Variants in NEK11 observed in about 807,000 individuals in gnomAD.
NEK11 encodes the protein serine/threonine-protein kinase Nek11.
NEK11 carries 72 observed loss-of-function variants against 80.7 expected under a neutral mutation model. The observed-to-expected ratio is 0.89, with a 90% confidence interval of 0.74 to 1.08. The LOEUF is 1.08. Among genes scored for constraint, NEK11 ranks in the 50% least tolerant of loss-of-function variants. The probability of loss-of-function intolerance (pLI) is 0.00; values close to 1 mark genes in which losing one functional copy is unlikely to be tolerated. For synonymous variants in NEK11, 251 were observed against 260.7 expected (o/e 0.96, Z 0.36); for missense variants, 764 against 763.6 (o/e 1.00, Z -0.01).
chr3:131,165,496 C>T lies in NEK11; in HGVS notation c.1153C>T (p.Gln385Ter). Residue 385 changes from glutamine (Q) to a stop codon, truncating the protein, a stop_gained, in exon 12 of 18, where the codon CAG becomes TAG. Coordinates refer to ENST00000383366, the MANE Select transcript of NEK11 (RefSeq NM_024800.5). LOFTEE classifies it high-confidence loss of function. ...MQELRSRNFQ[Q>*]LSVDVLHEKT... Reference sequence around the variant, plus strand: ...AGAATTGAGATCTCGGAACTTTCAGCAGCTGAGTGTTGATGTACTCCATGT... The same window carrying T: ...AGAATTGAGATCTCGGAACTTTCAGTAGCTGAGTGTTGATGTACTCCATGT... 1 of 1,611,782 alleles carries T rather than the reference C, an allele frequency of 6.2e-7. No homozygotes were observed. The highest frequency in any genetic ancestry group is 8.5e-7 in the Non-Finnish European group (1 of 1,177,936).
intron 5 of NEK11, among the ~76,000 whole-genome samples, chr3:131,111,085 A>G (rs879792873): frequency 8.5e-5 from 13 of 152,158 alleles, no homozygotes; most frequent in East Asian, 7.7e-4. Context: ...TATATGCAAG[A>G]AAAACAACTA....
intron 4 of NEK11, among the ~76,000 whole-genome samples, chr3:131,090,821 G>T (rs2076624330): frequency 6.6e-6 from 1 of 152,136 alleles, no homozygotes; most frequent in Non-Finnish European, 1.5e-5. Flanking sequence ...CTGGAGTGCA[G>T]TGGTGCAATC....
chr3:131,184,277 C>A (rs1316294467), intron 14 of NEK11, among the ~76,000 whole-genome samples: 1 of 152,180 alleles, frequency 6.6e-6, no homozygotes, highest in East Asian at 1.9e-4. Flanking sequence ...CTGTGGATTA[C>A]AATCAGTAGC....
In NEK11 at chr3:131,170,842, C is replaced by T; in HGVS notation, c.1354C>T (p.Leu452Phe). ...TATTCCTTCCATGGACCTCCACGAA[C>T]TTGAATCAATTGTAGAGGATGCCAC... Reference protein sequence around the residue: ...QPIPSMDLHELESIVEDATSD... With the variant: ...QPIPSMDLHEFESIVEDATSD... The change falls in exon 14 of 18, where the codon CTT becomes TTT. Residue 452 changes from leucine (L) to phenylalanine (F), a missense_variant. Leu to Phe is a conservative substitution (Grantham distance 22). Coordinates refer to ENST00000383366, the MANE Select transcript of NEK11 (RefSeq NM_024800.5). 6.2e-7 allele frequency: 1 copy of T among 1,614,068 alleles called. No individual in the cohort carries two copies. Among genetic ancestry groups the T allele is most frequent in the Non-Finnish European group, 8.5e-7 (1 of 1,179,950 alleles).
chr3:131,195,632 G>T (rs1432426157), intron 14 of NEK11, among the ~76,000 whole-genome samples: 1 of 151,916 alleles, frequency 6.6e-6, no homozygotes, highest in Non-Finnish European at 1.5e-5. Flanking sequence ...TGCCTGCTGT[G>T]TGCTGCACAA....
chr3:131,084,865 C>T (rs2149076613), intron 4 of NEK11, among the ~76,000 whole-genome samples: 1 of 152,180 alleles, frequency 6.6e-6, no homozygotes, highest in Non-Finnish European at 1.5e-5. Context: ...TGAGAGTTCT[C>T]CAGGTGATTC....
chr3:131,053,266 A>G (rs1234236821), intron 3 of NEK11: 1 of 152,254 alleles, frequency 6.6e-6, no homozygotes, highest in African/African-American at 2.4e-5. Context: ...TTCCAATGGC[A>G]GCATTAATTC....
chr3:131,165,514 C>G lies in NEK11; in HGVS notation c.1171C>G (p.Leu391Val). 1 of 1,599,108 alleles carries G rather than the reference C, an allele frequency of 6.3e-7. No homozygotes were observed. The highest frequency in any genetic ancestry group is 8.6e-7 in the Non-Finnish European group (1 of 1,167,396). ...CTTTCAGCAGCTGAGTGTTGATGTA[C>G]TCCATGTAAGTACCCTCTTATTTTA... Reference protein sequence around the residue: ...RNFQQLSVDVLHEKTHLKGME... With the variant: ...RNFQQLSVDVVHEKTHLKGME... The change falls in exon 12 of 18, where the codon CTC becomes GTC. Residue 391 changes from leucine to valine, a missense_variant. By Grantham distance (32) the Leu-to-Val change is conservative. Transcript: ENST00000383366.
At chr3:131,241,791 T>G (rs1213104974) in intron 15 of NEK11, among the ~76,000 whole-genome samples, 1 of 152,126 alleles carries the variant, frequency 6.6e-6, no homozygotes. Context: ...ACATATATAG[T>G]ATGATCTGAA....
chr3:131,172,625 AT>A (rs2150078096), intron 14 of NEK11, among the ~76,000 whole-genome samples: 1 of 151,518 alleles, frequency 6.6e-6, no homozygotes, highest in African/African-American at 2.4e-5. Context: ...CAAAAGTGAA[AT>A]TTGGAAGTAT....
intron 14 of NEK11, chr3:131,175,144 T>C: frequency 1.0e-6 from 1 of 986,088 alleles, no homozygotes; most frequent in Non-Finnish European, 1.2e-6. Context: ...TTAAATATGT[T>C]ATGTTTTTAT....
chr3:131,132,231 A>G (rs1316055547), intron 5 of NEK11, among the ~76,000 whole-genome samples: 2 of 151,878 alleles, frequency 1.3e-5, no homozygotes, highest in Non-Finnish European at 2.9e-5. Flanking sequence ...TTATGCAAAG[A>G]TTTTCAAGTT....
chr3:131,154,853 C>A (rs1040848534), intron 9 of NEK11, 183 bp from the exon 10 acceptor site: 4 of 550,256 alleles, frequency 7.3e-6, no homozygotes, highest in Non-Finnish European at 9.8e-6. Context: ...CCTGACCCTG[C>A]AAGATCTTCT....
intron 3 of NEK11, among the ~76,000 whole-genome samples, chr3:131,066,531 C>T (rs763136706): frequency 6.6e-5 from 10 of 152,004 alleles, no homozygotes; most frequent in Non-Finnish European, 1.2e-4. Context: ...GTTAGATGCC[C>T]GGGATTTGGA....
intron 14 of NEK11, among the ~76,000 whole-genome samples, chr3:131,179,748 C>G (rs928817385): frequency 6.6e-6 from 1 of 152,112 alleles, no homozygotes; most frequent in East Asian, 1.9e-4. Flanking sequence ...CAGTTTTGCA[C>G]ATTTGAACAC....
chr3:131,088,336 T>A (rs561318184), intron 4 of NEK11, among the ~76,000 whole-genome samples: 45 of 152,224 alleles, frequency 3.0e-4, no homozygotes, highest in Non-Finnish European at 5.4e-4. Context: ...AACTATGAAA[T>A]ATTTTGACCT....
intron 14 of NEK11, among the ~76,000 whole-genome samples, chr3:131,203,777 A>G (rs1463420888): frequency 0.15 from 494 of 3,334 alleles, 8 homozygotes; most frequent in African/African-American, 0.25. Flanking sequence ...GTATATATAT[A>G]TATATATATA....
At chr3:131,078,509 G>A (rs554391572) in intron 3 of NEK11, among the ~76,000 whole-genome samples, 1 of 151,984 alleles carries the variant, frequency 6.6e-6, no homozygotes, top group South Asian at 2.1e-4. Flanking sequence ...TGGGATGGGG[G>A]AATACTATAC....
At chr3:131,337,356 A>G (rs1369678797) in intron 17 of NEK11, among the ~76,000 whole-genome samples, 1 of 152,018 alleles carries the variant, frequency 6.6e-6, no homozygotes, top group Non-Finnish European at 1.5e-5. Context: ...TCAGTAAACT[A>G]TCGCAACGAC....
Sources: allele counts gnomAD v4.1 joint callset (sites outside exome capture counted in the v4.1 genomes callset), GRCh38; gene constraint gnomAD v4.1.1; transcripts MANE v1.5; gene names NCBI Gene and HGNC (gene_info 2026-07-23, HGNC 2026-07-21).